GET1: variants seen among roughly 807,000 people sequenced by gnomAD.
GET1 encodes the protein guided entry of tail-anchored proteins factor 1.
Under a neutral mutation model 22.6 loss-of-function variants are expected in GET1, and 20 were observed. That is an observed-to-expected ratio of 0.89 (90% CI 0.62 to 1.29). The LOEUF (loss-of-function observed/expected upper bound fraction) is 1.29. GET1 is among the 50% of genes most tolerant of loss of function. The pLI, the probability that GET1 is intolerant of heterozygous loss-of-function variation, is 0.00. For synonymous variants in GET1, 92 were observed against 83.8 expected, an observed-to-expected ratio of 1.10 and a Z score of -0.53; for missense variants, 209 against 219.9, an observed-to-expected ratio of 0.95 and a Z score of 0.31.
At chr21:39,409,337 C>T (rs867055923), downstream of GET1, among the ~76,000 whole-genome samples, 6 of 151,974 alleles carry the variant, frequency 3.9e-5, no homozygotes, top group East Asian at 1.9e-4. The surrounding 1 kb of genome is among the most constrained non-coding windows in gnomAD (Gnocchi z 4.2). Context: ...TTGTTTAAAC[C>T]GGCAGTCTGT....
chr21:39,392,060 T>G (rs2837002), intron 3 of GET1: 359,857 of 524,196 alleles, frequency 0.69, 124,693 homozygotes, highest in East Asian at 0.8. Context: ...TTTTGGCAGA[T>G]GGACTGTGAA....
chr21:39,415,979 G>A (rs995958786), intron 1 of GET1, among the ~76,000 whole-genome samples: 3 of 152,112 alleles, frequency 2.0e-5, no homozygotes, highest in Admixed American at 6.5e-5. Flanking sequence ...CAGGAAGCGC[G>A]TATCTCTTAT....
At chr21:39,399,284 GT>G (rs564068176), downstream of GET1, among the ~76,000 whole-genome samples, 3 of 151,268 alleles carry the variant, frequency 2.0e-5, no homozygotes, top group South Asian at 2.1e-4. Flanking sequence ...CCTATTTACT[GT>G]TTTTTTTTAA....
chr21:39,406,785 ATGTGT>A (rs2039135096), downstream of GET1: 2 of 539,992 alleles, frequency 3.7e-6, no homozygotes, highest in Non-Finnish European at 3.2e-6. Flanking sequence ...CTATTAACAA[ATGTGT>A]TATGTTACAG....
chr21:39,428,180 T>G, intron 1 of GET1: 1 of 1,571,778 alleles, frequency 6.4e-7, no homozygotes, highest in Non-Finnish European at 8.7e-7. Flanking sequence ...ACCTTTAGAT[T>G]GGGAGATTTT....
Position 39,380,345 on chromosome 21 carries a change from A to C in GET1, c.-40A>C. On this transcript the variant is annotated 5_prime_UTR_variant, in exon 1 of 5. Coordinates refer to ENST00000649170, the MANE Select transcript of GET1 (RefSeq NM_004627.6). ...GCCGCTGTTGTTGTGGTCCCCATGG[A>C]GCTGCCGTAGCGGACCCAGCACAGC... The C allele has an allele frequency of 4.5e-6, 7 of 1,565,296 alleles. No individual in the cohort carries two copies. Among genetic ancestry groups the C allele is most frequent in the Non-Finnish European group, 5.2e-6 (6 of 1,154,188 alleles).
intron 1 of GET1, among the ~76,000 whole-genome samples, chr21:39,415,167 A>G (rs143081578): frequency 1.6e-3 from 245 of 152,290 alleles, no homozygotes; most frequent in African/African-American, 5.8e-3. Flanking sequence ...TTCCCAAAAA[A>G]TGATGTAAGC....
chr21:39,426,195 G>A (rs753091950), intron 1 of GET1, among the ~76,000 whole-genome samples: 9 of 152,090 alleles, frequency 5.9e-5, no homozygotes, highest in Non-Finnish European at 1.0e-4. Context: ...GACAAGCCAG[G>A]TTTGTTGGCT....
In GET1 at chr21:39,391,601, A is replaced by G. The variant is rs1330586288; in HGVS notation, c.269-168A>G. On this transcript the variant is annotated intron_variant, in intron 2 of 4. Transcript: ENST00000649170. The stretch of plus-strand genomic sequence containing the variant: ...CTATTTTAAATAATGGCATAATGAG[A>G]TGGTGGGTGACTTAAAAATTCTATT... The G allele has an allele frequency of 1.1e-5, 7 of 648,508 alleles. No individual in the cohort carries two copies. The South Asian group carries it at 1.1e-4, about 10-fold the overall frequency. The allele number at this position is 648,508 out of a possible 1,614,324, so 40.2% of individuals were successfully genotyped here. A position where few individuals can be genotyped will look rare whatever the true frequency, so the allele number is the denominator to read the frequency against.
intron 1 of GET1, among the ~76,000 whole-genome samples, chr21:39,425,690 C>T (rs114875266): frequency 6.9e-4 from 105 of 152,198 alleles, no homozygotes; most frequent in African/African-American, 2.3e-3. Context: ...CAGGGGTGGG[C>T]GAGGACTGAC....
downstream of GET1, among the ~76,000 whole-genome samples, chr21:39,398,836 C>G (rs2038766863): frequency 1.3e-5 from 2 of 150,522 alleles, no homozygotes; most frequent in East Asian, 3.9e-4. Context: ...AACTCCTGAC[C>G]TCAGCTGATC....
At chr21:39,424,034 A>T (rs1017739487) in intron 1 of GET1, among the ~76,000 whole-genome samples, 2 of 151,746 alleles carry the variant, frequency 1.3e-5, no homozygotes, top group African/African-American at 4.8e-5. Flanking sequence ...TTTTTTTGAG[A>T]TGGAGTCTCC....
intron 4 of GET1, among the ~76,000 whole-genome samples, chr21:39,404,787 A>G (rs1049065835): frequency 6.7e-6 from 1 of 150,296 alleles, no homozygotes; most frequent in Non-Finnish European, 1.5e-5. Flanking sequence ...TCATGAAACT[A>G]AGCTTGGTAA....
At chr21:39,419,399 C>T (rs1019427512) in intron 1 of GET1, among the ~76,000 whole-genome samples, 1 of 151,870 alleles carries the variant, frequency 6.6e-6, no homozygotes, top group African/African-American at 2.4e-5. Context: ...GTGGCATGTA[C>T]CTGTGATCCC....
intron 1 of GET1, among the ~76,000 whole-genome samples, chr21:39,426,206 T>G (rs2074677429): frequency 6.6e-6 from 1 of 152,084 alleles, no homozygotes; most frequent in South Asian, 2.1e-4. Context: ...TTTGTTGGCT[T>G]CAGAAAGGTA....
intron 4 of GET1, among the ~76,000 whole-genome samples, chr21:39,393,888 G>T (rs1359541473): frequency 1.3e-5 from 2 of 152,018 alleles, no homozygotes; most frequent in African/African-American, 4.8e-5. Flanking sequence ...GACCTTAAGT[G>T]ATCCTCATGC....
chr21:39,415,356 A>T (rs2040947025), intron 1 of GET1, among the ~76,000 whole-genome samples: 1 of 152,134 alleles, frequency 6.6e-6, no homozygotes, highest in East Asian at 1.9e-4. Context: ...TTGAAACTTT[A>T]TTATACAAAT....
intron 1 of GET1, among the ~76,000 whole-genome samples, chr21:39,389,183 G>A (rs2038132246): frequency 6.6e-6 from 1 of 152,046 alleles, no homozygotes; most frequent in Non-Finnish European, 1.5e-5. Flanking sequence ...TGTTGCCAAG[G>A]CTGGTCTTGA....
chr21:39,415,372 T>C (rs757889005), intron 1 of GET1, among the ~76,000 whole-genome samples: 2 of 152,100 alleles, frequency 1.3e-5, no homozygotes, highest in Non-Finnish European at 2.9e-5. Context: ...CAAATTAAAA[T>C]ATATAAAAAA....
Sources: allele counts gnomAD v4.1 joint callset (sites outside exome capture counted in the v4.1 genomes callset), GRCh38; gene constraint gnomAD v4.1.1; non-coding constraint Gnocchi (gnomAD v3.1); transcripts MANE v1.5; gene names NCBI Gene and HGNC (gene_info 2026-07-23, HGNC 2026-07-21).